Variants in GTF3C2 observed in about 807,000 individuals in gnomAD.
GTF3C2 encodes general transcription factor IIIC subunit 2, also known as general transcription factor 3C polypeptide 2.
A neutral mutation model predicts 117.4 loss-of-function variants in GTF3C2; 17 were observed. The observed-to-expected ratio is 0.14, with a 90% CI of 0.10 to 0.22. GTF3C2 has a LOEUF of 0.22. GTF3C2 is among the 10% of genes least tolerant of loss of function. GTF3C2 has a pLI of 1.00. For synonymous variants in GTF3C2, 437 were observed against 427.0 expected (o/e 1.02, Z -0.29); for missense variants, 888 against 1,143.6 (o/e 0.78, Z 3.22).
rs574064924 is a variant in GTF3C2, at chr2:27,344,412, T to C, written c.-24-834A>G. Among the ~76,000 whole-genome samples, 310 of 152,294 alleles carry C rather than the reference T, an allele frequency of 2.0e-3. 2 individuals carry two copies. Among genetic ancestry groups the C allele is most frequent in the African/African-American group, 7.1e-3 (296 of 41,542 alleles). On this transcript the variant is annotated intron_variant, in intron 1 of 18. Transcript: ENST00000264720. ...CATTATCTAATTTAAAGCTCATATATTTTCTTGTAAGGATGAAGCAGTGAA... is the reference window on the plus strand; with the variant it reads ...CATTATCTAATTTAAAGCTCATATACTTTCTTGTAAGGATGAAGCAGTGAA...
chr2:27,348,396 C>T (rs752060473), intron 1 of GTF3C2, among the ~76,000 whole-genome samples: 5 of 151,464 alleles, frequency 3.3e-5, no homozygotes, highest in African/African-American at 9.7e-5. Context: ...GCAGAGATCG[C>T]GTTCCTGCAC....
At chr2:27,351,642 C>T (rs1367611745) in intron 1 of GTF3C2, among the ~76,000 whole-genome samples, 1 of 152,172 alleles carries the variant, frequency 6.6e-6, no homozygotes, top group Non-Finnish European at 1.5e-5. Context: ...CCTTTCTCCT[C>T]TCTAAAATCA....
intron 14 of GTF3C2, 40 bp from the exon 15 acceptor site, chr2:27,328,971 A>C (rs758705209): frequency 3.3e-6 from 5 of 1,498,908 alleles, no homozygotes; most frequent in Admixed American, 1.7e-5. Context: ...CCTTTTCTTT[A>C]GATTCATTTC....
chr2:27,347,141 A>C (rs922707472), intron 1 of GTF3C2, among the ~76,000 whole-genome samples: 1 of 152,192 alleles, frequency 6.6e-6, no homozygotes, highest in Non-Finnish European at 1.5e-5. Context: ...AGCAACACAG[A>C]ACTCTCCAAG....
intron 12 of GTF3C2, among the ~76,000 whole-genome samples, chr2:27,332,685 A>T (rs1359246505): frequency 2.6e-5 from 4 of 151,942 alleles, no homozygotes; most frequent in Admixed American, 2.0e-4. Flanking sequence ...GAGTGCTGGG[A>T]TTACAGGCGT....
intron 4 of GTF3C2, 25 bp from the exon 5 acceptor site, chr2:27,338,045 T>A: frequency 7.0e-7 from 1 of 1,427,026 alleles, no homozygotes; most frequent in Non-Finnish European, 9.9e-7. Flanking sequence ...GAAGAAAATA[T>A]AAGGGAGCAA....
At chr2:27,342,911 G>T (rs368126288) in exon 3 of GTF3C2, 2 of 1,614,124 alleles carry the variant, frequency 1.2e-6, no homozygotes, top group Admixed American at 1.7e-5. Context: ...GATTCTGGCC[G>T]ATCTAGGTCT....
At chr2:27,350,519 G>A (rs1387573931) in intron 1 of GTF3C2, 3 of 985,520 alleles carry the variant, frequency 3.0e-6, no homozygotes, top group Non-Finnish European at 3.6e-6. Context: ...CATGTGCTGG[G>A]CTGGGCGCAG....
chr2:27,327,267 C>A, exon 18 of GTF3C2: 1 of 1,595,024 alleles, frequency 6.3e-7, no homozygotes, highest in South Asian at 1.1e-5. Flanking sequence ...CTCTACGGAG[C>A]AGATCATGGA....
At chr2:27,356,475 AC>A (rs1403323504) in intron 1 of GTF3C2, 4 of 238,574 alleles carry the variant, frequency 1.7e-5, no homozygotes, top group African/African-American at 8.8e-5. Context: ...ACGCCCGGAC[AC>A]AGGCTTCCGC....
chr2:27,333,253 T>C (rs1371688261), intron 12 of GTF3C2, among the ~76,000 whole-genome samples: 1 of 149,624 alleles, frequency 6.7e-6, no homozygotes, highest in African/African-American at 2.5e-5. Flanking sequence ...CTATGCTTCC[T>C]GGGTTCTCAG....
intron 12 of GTF3C2, among the ~76,000 whole-genome samples, chr2:27,333,312 G>A (rs1439447598): frequency 6.6e-6 from 1 of 151,666 alleles, no homozygotes; most frequent in Non-Finnish European, 1.5e-5. Flanking sequence ...CCACCATCCT[G>A]AGCTAATTTT....
intron 16 of GTF3C2, 49 bp downstream of exon 16, chr2:27,328,419 G>A (rs760744663): frequency 6.3e-7 from 1 of 1,599,910 alleles, no homozygotes; most frequent in Non-Finnish European, 8.6e-7. Context: ...ATTTGGGAGG[G>A]CATGTGGGTT....
At chr2:27,344,212 T>C (rs896165071) in intron 1 of GTF3C2, among the ~76,000 whole-genome samples, 7 of 151,902 alleles carry the variant, frequency 4.6e-5, no homozygotes, top group African/African-American at 1.7e-4. Flanking sequence ...TTAATAGAGA[T>C]GAGGTTTCAC....
chr2:27,335,255 A>T, intron 10 of GTF3C2: 1 of 495,874 alleles, frequency 2.0e-6, no homozygotes, highest in East Asian at 6.0e-5. Context: ...TTGGGGGAAC[A>T]AGAGTATAGC....
chr2:27,348,924 C>T (rs905909782), intron 1 of GTF3C2, among the ~76,000 whole-genome samples: 9 of 152,220 alleles, frequency 5.9e-5, no homozygotes, highest in Middle Eastern at 3.4e-3. Context: ...GCAACCTCTG[C>T]CTCCCAGGTT....
chr2:27,338,166 T>C (rs1680565440), intron 4 of GTF3C2, 146 bp from the exon 5 acceptor site: 1 of 656,064 alleles, frequency 1.5e-6, no homozygotes, highest in African/African-American at 1.8e-5. Flanking sequence ...AAGATTTGTG[T>C]TTCAACCACT....
chr2:27,338,700 CTAAT>C (rs2148290985), intron 4 of GTF3C2, among the ~76,000 whole-genome samples: 1 of 152,074 alleles, frequency 6.6e-6, no homozygotes, highest in East Asian at 1.9e-4. Flanking sequence ...CTACACCTGG[CTAAT>C]TTTTTTGTAT....
intron 9 of GTF3C2, 56 bp from the exon 10 acceptor site, chr2:27,335,762 C>T (rs1038896338): frequency 4.9e-5 from 61 of 1,246,362 alleles, no homozygotes; most frequent in Non-Finnish European, 6.7e-5. Context: ...CACAGAAAAC[C>T]TTTGAGGTTC....
Sources: allele counts gnomAD v4.1 joint callset (sites outside exome capture counted in the v4.1 genomes callset), GRCh38; gene constraint gnomAD v4.1.1; transcripts MANE v1.5; gene names NCBI Gene and HGNC (gene_info 2026-07-23, HGNC 2026-07-21).